ZCCHC7: variants seen among roughly 807,000 people sequenced by gnomAD.
The protein encoded by ZCCHC7 is zinc finger CCHC domain-containing protein 7.
ZCCHC7 carries 35 observed loss-of-function variants against 52.0 expected under a neutral mutation model. The observed-to-expected ratio is 0.67, with a 90% CI of 0.51 to 0.89. The LOEUF is 0.89. Among genes scored for constraint, ZCCHC7 ranks in the 40% least tolerant of loss-of-function variants. The pLI is 0.00. For synonymous variants in ZCCHC7, 217 were observed against 221.5 expected (o/e 0.98, Z 0.18); for missense variants, 574 against 649.1 (o/e 0.88, Z 1.26).
chr9:37,338,510 A>G lies in ZCCHC7; in HGVS notation c.987+10676A>G, dbSNP rs141893645. ...TTGGTCATTCGCAGCTTTTCAACCC[A>G]TTGGTTTATAAAATTTCAGTGTATC... is the stretch of plus-strand genomic sequence containing the variant. On this transcript the variant is annotated intron_variant, in intron 6 of 8. Transcript: ENST00000336755. Among the ~76,000 whole-genome samples the G allele has an allele frequency of 3.3e-3, 501 of 152,280 alleles. 6 individuals carry two copies. Among genetic ancestry groups the G allele is most frequent in the African/African-American group, 0.011 (459 of 41,560 alleles).
intron 2 of ZCCHC7, among the ~76,000 whole-genome samples, chr9:37,287,948 AC>A (rs1367075564): frequency 6.6e-6 from 1 of 152,020 alleles, no homozygotes; most frequent in East Asian, 1.9e-4. Context: ...AAAAAAAAAA[AC>A]ATTTAACCAT....
intron 5 of ZCCHC7, among the ~76,000 whole-genome samples, chr9:37,307,738 T>TTA (rs746858007): frequency 6.6e-6 from 1 of 152,062 alleles, no homozygotes; most frequent in Admixed American, 6.5e-5. Flanking sequence ...TTAAAACAGA[T>TTA]TAGAGTATGA....
rs1821762663 is a variant in ZCCHC7 at position 37,357,222 on chromosome 9, A to G, written c.1586A>G (p.Asp529Gly). ...KKKERCWEDD[D>G]NDNLFLIKQR... ...AAGGAGAGGTGCTGGGAAGATGATG[A>G]CAATGATAACTTATTTCTTATTAAG... Residue 529 changes from aspartate to glycine, a missense_variant, in exon 9 of 9, where the codon GAC becomes GGC. By Grantham distance (94) the Asp-to-Gly change is moderately conservative (BLOSUM62 -1). This residue lies in a region of ZCCHC7 where 168 missense variants were observed against 171.6 expected (regional missense o/e 0.98). Coordinates refer to ENST00000336755, the MANE Select transcript of ZCCHC7 (RefSeq NM_032226.3). 6.2e-7 allele frequency: 1 copy of G among 1,609,242 alleles called. No homozygotes were observed. The highest frequency in any genetic ancestry group is 8.5e-7 in the Non-Finnish European group (1 of 1,178,820).
In ZCCHC7 at chr9:37,175,259, G is replaced by A. The variant is rs557819731; in HGVS notation, c.610+48317G>A. Among the ~76,000 whole-genome samples, 19 of 152,190 alleles carry A rather than the reference G, an allele frequency of 1.2e-4. 1 individual carries two copies. In the East Asian group the frequency reaches 3.7e-3, roughly 29 times the overall value. The stretch of plus-strand genomic sequence containing the variant: ...AAGTTCTTATCTTCATTCCTTTTAA[G>A]CATGCAAAACTATATGTATAAACCG... On this transcript the variant is annotated intron_variant, in intron 2 of 8. Transcript: ENST00000336755.
At chr9:37,356,243 G>A (rs894713671) in intron 8 of ZCCHC7, among the ~76,000 whole-genome samples, 11 of 151,940 alleles carry the variant, frequency 7.2e-5, no homozygotes, top group South Asian at 2.1e-4. Context: ...TCAGAGATCC[G>A]TATTAAGCGT....
At chr9:37,131,830 C>T (rs553033723) in intron 2 of ZCCHC7, among the ~76,000 whole-genome samples, 12 of 152,140 alleles carry the variant, frequency 7.9e-5, no homozygotes, top group African/African-American at 2.2e-4. Context: ...ACTGTATATA[C>T]GTGACACTTA....
intron 7 of ZCCHC7, among the ~76,000 whole-genome samples, chr9:37,351,766 C>T (rs1821393715): frequency 6.6e-6 from 1 of 152,186 alleles, no homozygotes; most frequent in African/African-American, 2.4e-5. Context: ...TTTTTGCTTG[C>T]TTACCTCTGT....
In ZCCHC7 at chr9:37,304,332, G is replaced by A. The variant is rs370702851; in HGVS notation, c.780+19G>A. 9.9e-6 allele frequency: 16 copies of A among 1,610,600 alleles called. No homozygotes were observed. In the African/African-American group the frequency reaches 1.7e-4, roughly 18 times the overall value. On this transcript the variant is annotated intron_variant, in intron 4 of 8. Coordinates refer to ENST00000336755, the MANE Select transcript of ZCCHC7 (RefSeq NM_032226.3). The stretch of plus-strand genomic sequence containing the variant: ...ACCACGAGTACGTGAAATATGCTTT[G>A]CTTCTTTCCACATTTGTAAACTCAA...
chr9:37,269,839 A>G (rs1827317200), intron 2 of ZCCHC7, among the ~76,000 whole-genome samples: 1 of 152,136 alleles, frequency 6.6e-6, no homozygotes, highest in Non-Finnish European at 1.5e-5. Context: ...ATGCTAAGGA[A>G]ATACTCAGAA....
At chr9:37,308,301 T>A (rs1829427698) in intron 5 of ZCCHC7, among the ~76,000 whole-genome samples, 2 of 152,170 alleles carry the variant, frequency 1.3e-5, no homozygotes, top group Non-Finnish European at 1.5e-5. Flanking sequence ...TATAATTTTC[T>A]TAGCAAGATT....
chr9:37,351,841 A>T (rs1821400261), intron 7 of ZCCHC7, among the ~76,000 whole-genome samples: 1 of 152,234 alleles, frequency 6.6e-6, no homozygotes, highest in Non-Finnish European at 1.5e-5. Context: ...TTATAGTTGG[A>T]TGCTTACTAG....
At chr9:37,237,990 G>A (rs753646193) in intron 2 of ZCCHC7, among the ~76,000 whole-genome samples, 6 of 151,856 alleles carry the variant, frequency 4.0e-5, no homozygotes, top group East Asian at 1.9e-4. Context: ...TTGAATCAAC[G>A]GATCACATTT....
At chr9:37,293,494 T>C (rs2133643459) in intron 2 of ZCCHC7, among the ~76,000 whole-genome samples, 1 of 152,316 alleles carries the variant, frequency 6.6e-6, no homozygotes, top group Non-Finnish European at 1.5e-5. Context: ...TAGATTTAAA[T>C]GGGTTTTATT....
chr9:37,136,914 C>G (rs996285092), intron 2 of ZCCHC7, among the ~76,000 whole-genome samples: 1 of 152,176 alleles, frequency 6.6e-6, no homozygotes, highest in Admixed American at 6.5e-5. Context: ...CATGAGCCAC[C>G]GAGCCTGGCC....
In ZCCHC7 at chr9:37,182,292, C is replaced by G. The variant is rs183426226; in HGVS notation, c.610+55350C>G. Among the ~76,000 whole-genome samples the G allele has an allele frequency of 2.6e-3, 393 of 151,588 alleles. 2 individuals are homozygous for G. Among genetic ancestry groups the G allele is most frequent in the African/African-American group, 8.9e-3 (369 of 41,380 alleles). On this transcript the variant is annotated intron_variant, in intron 2 of 8. Transcript: ENST00000336755. Reference sequence around the variant, plus strand: ...TAATACAGGCACATTTATCTATTAGCATTATTTTTGCTTATTTTTTTACAT... The same window carrying G: ...TAATACAGGCACATTTATCTATTAGGATTATTTTTGCTTATTTTTTTACAT...
intron 2 of ZCCHC7, among the ~76,000 whole-genome samples, chr9:37,133,412 G>A (rs897977840): frequency 3.9e-5 from 5 of 127,282 alleles, no homozygotes; most frequent in Non-Finnish European, 6.4e-5. Context: ...TCTTGCTCTT[G>A]TCACCCAGGG....
At chr9:37,281,007 G>A (rs1827933571) in intron 2 of ZCCHC7, among the ~76,000 whole-genome samples, 1 of 152,126 alleles carries the variant, frequency 6.6e-6, no homozygotes, top group African/African-American at 2.4e-5. Flanking sequence ...CAGGTAAATA[G>A]AGTCATATGG....
intron 6 of ZCCHC7, among the ~76,000 whole-genome samples, chr9:37,337,414 C>G (rs1408957160): frequency 2.5e-5 from 3 of 118,998 alleles, no homozygotes; most frequent in East Asian, 3.2e-4. Context: ...CCCCCCCCCC[C>G]CAAAAAAAAT....
intron 5 of ZCCHC7, among the ~76,000 whole-genome samples, chr9:37,308,842 G>A (rs945604794): frequency 1.3e-5 from 2 of 151,972 alleles, no homozygotes; most frequent in African/African-American, 2.4e-5. Context: ...TTAGCTGGGC[G>A]TGGTGGTACA....
Sources: allele counts gnomAD v4.1 joint callset (sites outside exome capture counted in the v4.1 genomes callset), GRCh38; gene constraint gnomAD v4.1.1; regional missense constraint gnomAD v4.1.1; transcripts MANE v1.5; gene names NCBI Gene and HGNC (gene_info 2026-07-23, HGNC 2026-07-21).